The following IFNG-AS1 variants were observed in gnomAD, a reference collection of about 807,000 sequenced individuals.
IFNG-AS1 encodes the protein IFNG regulatory antisense RNA 1.
chr12:68,011,162 G>A (rs1880017694), intron 3 of IFNG-AS1, among the ~76,000 whole-genome samples: 2 of 152,220 alleles, frequency 1.3e-5, no homozygotes, highest in South Asian at 2.1e-4. Context: ...GAAACTGTAC[G>A]ACCAGAGGCA....
Position 67,990,088 on chromosome 12 carries a change from A to T in IFNG-AS1, n.51+509A>T, listed in dbSNP as rs188323983. On this transcript the variant is annotated intron_variant and non_coding_transcript_variant, in intron 1 of 5. Transcript: ENST00000536914. ...ACATATCATAGGTCTTGGATAATTT[A>T]GGGTGATTTTTTAATTGTAATTAAA... Among the ~76,000 whole-genome samples, 625 of 152,358 alleles carry T rather than the reference A, an allele frequency of 4.1e-3. 3 individuals carry two copies. The highest frequency in any genetic ancestry group is 0.027 in the Middle Eastern group (8 of 294).
intron 3 of IFNG-AS1, among the ~76,000 whole-genome samples, chr12:68,007,453 G>C (rs1879931440): frequency 6.6e-6 from 1 of 152,170 alleles, no homozygotes; most frequent in African/African-American, 2.4e-5. Context: ...TTATCACTGT[G>C]TTGAGTTTCA....
intron 3 of IFNG-AS1, among the ~76,000 whole-genome samples, chr12:68,010,175 C>T (rs906223963): frequency 3.4e-4 from 52 of 152,292 alleles, no homozygotes; most frequent in African/African-American, 1.2e-3. Flanking sequence ...GATGCTGTAT[C>T]ATTGAAAGGA....
At chr12:67,997,234 C>T (rs1879661850) in intron 2 of IFNG-AS1, among the ~76,000 whole-genome samples, 2 of 152,016 alleles carry the variant, frequency 1.3e-5, no homozygotes, top group South Asian at 4.1e-4. Context: ...CTAGCCCTAT[C>T]ACACATTAAA....
intron 2 of IFNG-AS1, among the ~76,000 whole-genome samples, chr12:68,002,319 G>A (rs75223876): frequency 0.02 from 3,102 of 152,314 alleles, 38 homozygotes; most frequent in Non-Finnish European, 0.031. Context: ...TGGAGAACTC[G>A]AAATCAAACT....
At chr12:68,003,322 C>T (rs920125630) in intron 2 of IFNG-AS1, among the ~76,000 whole-genome samples, 1 of 152,006 alleles carries the variant, frequency 6.6e-6, no homozygotes, top group African/African-American at 2.4e-5. Flanking sequence ...TGTTGTGATA[C>T]CTTTGGGAAC....
At chr12:68,015,834 C>A (rs1880139381) in intron 3 of IFNG-AS1, among the ~76,000 whole-genome samples, 1 of 152,116 alleles carries the variant, frequency 6.6e-6, no homozygotes, top group Admixed American at 6.6e-5. Context: ...ATGTAACTTA[C>A]CCACCAGTAT....
intron 1 of IFNG-AS1, among the ~76,000 whole-genome samples, chr12:67,992,624 C>T (rs188886087): frequency 2.0e-5 from 3 of 152,136 alleles, no homozygotes; most frequent in Non-Finnish European, 2.9e-5. Flanking sequence ...GCTATAAAAG[C>T]CTTTTATGCT....
intron 3 of IFNG-AS1, among the ~76,000 whole-genome samples, chr12:68,012,637 G>A (rs1045110531): frequency 1.3e-5 from 2 of 152,206 alleles, no homozygotes; most frequent in African/African-American, 4.8e-5. Flanking sequence ...GATTCCCTCA[G>A]TTGGTTTGAC....
intron 3 of IFNG-AS1, among the ~76,000 whole-genome samples, chr12:68,019,130 C>A (rs1231417168): frequency 2.0e-5 from 3 of 152,074 alleles, no homozygotes; most frequent in South Asian, 2.1e-4. Flanking sequence ...CAAATGGACA[C>A]AACAGGAGGT....
chr12:68,013,121 C>T (rs1486134918), intron 3 of IFNG-AS1, among the ~76,000 whole-genome samples: 1 of 152,238 alleles, frequency 6.6e-6, no homozygotes, highest in Non-Finnish European at 1.5e-5. Context: ...GATTCAAAAA[C>T]CCGTGAACCA....
chr12:68,002,922 A>C (rs1879803478), intron 2 of IFNG-AS1, among the ~76,000 whole-genome samples: 1 of 152,206 alleles, frequency 6.6e-6, no homozygotes. Context: ...GTAAAAGTAA[A>C]CTGGAGAACT....
chr12:67,993,663 A>G (rs555027597), intron 1 of IFNG-AS1, among the ~76,000 whole-genome samples: 43 of 152,322 alleles, frequency 2.8e-4, no homozygotes, highest in South Asian at 1.4e-3. Context: ...AACATATATT[A>G]TTTTTATGAC....
chr12:68,007,773 A>C (rs1879938140), intron 3 of IFNG-AS1, among the ~76,000 whole-genome samples: 1 of 152,218 alleles, frequency 6.6e-6, no homozygotes, highest in South Asian at 2.1e-4. Context: ...TAGCCATGAC[A>C]GATAGATAGA....
intron 3 of IFNG-AS1, among the ~76,000 whole-genome samples, chr12:68,013,166 T>C (rs1365291689): frequency 6.6e-6 from 1 of 152,224 alleles, no homozygotes; most frequent in Non-Finnish European, 1.5e-5. Flanking sequence ...ATTGAATTAG[T>C]TTGCAGCACA....
chr12:68,018,648 T>C (rs1880210491), intron 3 of IFNG-AS1, among the ~76,000 whole-genome samples: 1 of 152,112 alleles, frequency 6.6e-6, no homozygotes, highest in South Asian at 2.1e-4. Flanking sequence ...CCTACAACTT[T>C]ACAAAACCTT....
At chr12:68,003,705 G>C (rs932600566) in intron 2 of IFNG-AS1, among the ~76,000 whole-genome samples, 1 of 152,122 alleles carries the variant, frequency 6.6e-6, no homozygotes, top group Non-Finnish European at 1.5e-5. Context: ...ACGAGGTCAG[G>C]AGATCGAGAC....
chr12:67,995,419 C>CA (rs34141511), intron 1 of IFNG-AS1, among the ~76,000 whole-genome samples: 36,975 of 78,620 alleles, frequency 0.47, 9,277 homozygotes, highest in Middle Eastern at 0.62. Flanking sequence ...GACTCCATTT[C>CA]AAAAAAAAAA....
At chr12:68,018,431 G>A (rs1392883448) in intron 3 of IFNG-AS1, among the ~76,000 whole-genome samples, 1 of 152,142 alleles carries the variant, frequency 6.6e-6, no homozygotes, top group Non-Finnish European at 1.5e-5. Flanking sequence ...TGTGAATGCA[G>A]TCATAGCAAG....
Sources: gnomAD v4.1 joint callset for allele counts (sites outside exome capture counted in the v4.1 genomes callset) on GRCh38, gnomAD v4.1.1 for gene constraint, MANE v1.5 for transcripts, NCBI Gene and HGNC (gene_info 2026-07-23, HGNC 2026-07-21) for gene names.